Variants in PLD1 observed in about 807,000 individuals in gnomAD.
PLD1 encodes the protein phospholipase D1.
PLD1 carries 112 observed loss-of-function variants against 137.1 expected under a neutral mutation model. The observed-to-expected ratio is 0.82, with a 90% confidence interval of 0.70 to 0.96. The LOEUF is 0.96. Ranked by LOEUF, PLD1 falls within the 40% of genes least tolerant of loss-of-function variation. PLD1 has a pLI of 0.00. For missense variants in PLD1, 1,321 were observed against 1,342.0 expected (o/e 0.98, Z 0.24); for synonymous variants, 431 against 454.7 (o/e 0.95, Z 0.66).
chr3:171,668,470 C>A (rs144771670), intron 19 of PLD1, among the ~76,000 whole-genome samples: 2 of 152,272 alleles, frequency 1.3e-5, no homozygotes, highest in Admixed American at 1.3e-4. Context: ...TTATTCCAAG[C>A]GTGAAAACAA....
chr3:171,773,209 C>T (rs2108333160), intron 1 of PLD1, among the ~76,000 whole-genome samples: 1 of 152,264 alleles, frequency 6.6e-6, no homozygotes, highest in African/African-American at 2.4e-5. Context: ...AAGTGGTGGG[C>T]ACCAAATTAC....
At chr3:171,682,157 AAAGAAAGAAAAAGAAAG>A (rs1714065050) in intron 16 of PLD1, among the ~76,000 whole-genome samples, 1 of 48,462 alleles carries the variant, frequency 2.1e-5, no homozygotes, top group Admixed American at 1.8e-4. Context: ...AGAAAGAAAG[AAAGAAAGAAAAAGAAAG>A]AAAGAAAGAA....
intron 1 of PLD1, among the ~76,000 whole-genome samples, chr3:171,770,670 C>T (rs1349132778): frequency 6.6e-6 from 1 of 151,740 alleles, no homozygotes; most frequent in East Asian, 1.9e-4. Context: ...TCGCTTGAGC[C>T]CTGGGGTTGG....
At chr3:171,761,906 C>T (rs951444401) in intron 1 of PLD1, among the ~76,000 whole-genome samples, 3 of 152,158 alleles carry the variant, frequency 2.0e-5, no homozygotes, top group Admixed American at 6.5e-5. Flanking sequence ...CCTCTATCCA[C>T]ACATTAAGAA....
chr3:171,718,004 T>C (rs1717803381), intron 8 of PLD1, among the ~76,000 whole-genome samples: 1 of 152,272 alleles, frequency 6.6e-6, no homozygotes, highest in Non-Finnish European at 1.5e-5. Context: ...TTATCTTTAG[T>C]TCTGTTTATG....
At chr3:171,642,956 T>C in intron 22 of PLD1, 67 bp from the exon 23 acceptor site, 2 of 859,574 alleles carry the variant, frequency 2.3e-6, no homozygotes, top group Non-Finnish European at 3.9e-6. Flanking sequence ...GCAGTATCTG[T>C]AGGTTTAATC....
intron 1 of PLD1, among the ~76,000 whole-genome samples, chr3:171,774,448 A>T (rs1351632198): frequency 6.6e-6 from 1 of 152,228 alleles, no homozygotes; most frequent in Admixed American, 6.5e-5. Context: ...CTGAGGGACC[A>T]GCAGAAGAAA....
chr3:171,675,318 G>T (rs1713239740), intron 18 of PLD1, among the ~76,000 whole-genome samples: 1 of 152,080 alleles, frequency 6.6e-6, no homozygotes, highest in South Asian at 2.1e-4. Context: ...ATAGTAAAAT[G>T]GTATAAAAGA....
chr3:171,604,916 C>A (rs988958257), intron 26 of PLD1, among the ~76,000 whole-genome samples: 1 of 152,204 alleles, frequency 6.6e-6, no homozygotes, highest in Admixed American at 6.5e-5. Flanking sequence ...TCACTATACA[C>A]AAGGTTATAA....
At chr3:171,723,429 C>T (rs1049660321) in intron 8 of PLD1, among the ~76,000 whole-genome samples, 4 of 152,154 alleles carry the variant, frequency 2.6e-5, no homozygotes, top group African/African-American at 9.7e-5. Context: ...TGCTTCAACA[C>T]AGATGGAAGT....
chr3:171,627,128 G>GAC (rs1560157770), intron 23 of PLD1, among the ~76,000 whole-genome samples: 1 of 152,054 alleles, frequency 6.6e-6, no homozygotes, highest in Non-Finnish European at 1.5e-5. Context: ...CACGTGCAGA[G>GAC]ACACACATAG....
At chr3:171,710,891 T>TTTTTTTTTTTTTTTTTTTA (rs1717158090) in intron 9 of PLD1, among the ~76,000 whole-genome samples, 1 of 147,396 alleles carries the variant, frequency 6.8e-6, no homozygotes, top group African/African-American at 2.6e-5. Flanking sequence ...TTTTTTTTTT[T>TTTTTTTTTTTTTTTTTTTA]GAGACGGAGT....
chr3:171,639,807 A>T (rs1264845607), intron 23 of PLD1, among the ~76,000 whole-genome samples: 2 of 137,310 alleles, frequency 1.5e-5, no homozygotes, highest in Non-Finnish European at 3.1e-5. Context: ...CTGAGAAGTT[A>T]TATTTACATA....
chr3:171,659,160 A>G, intron 21 of PLD1, 53 bp downstream of exon 21: 1 of 1,187,380 alleles, frequency 8.4e-7, no homozygotes, highest in Non-Finnish European at 1.3e-6. Context: ...AAGTCATTTT[A>G]GTAATAAATA....
intron 23 of PLD1, among the ~76,000 whole-genome samples, chr3:171,623,762 T>A (rs1733847536): frequency 6.6e-6 from 1 of 151,980 alleles, no homozygotes; most frequent in South Asian, 2.1e-4. Flanking sequence ...AATTTGTATA[T>A]GATAAAGGAA....
rs9832151 is a variant in PLD1, at chr3:171,609,733, G to A, written c.2882+2546C>T. Among the ~76,000 whole-genome samples the A allele has an allele frequency of 8.2e-3, 1,254 of 152,176 alleles. 16 individuals are homozygous for A. Among genetic ancestry groups the A allele is most frequent in the African/African-American group, 0.025 (1,030 of 41,526 alleles). On this transcript the variant is annotated intron_variant, in intron 25 of 26. Coordinates refer to ENST00000351298, the MANE Select transcript of PLD1 (RefSeq NM_002662.5). ...GGATGTACAGAGTGGAATAACTGAC[G>A]TTGGAGACTCCAAAAGGTGGGTGGG...
At chr3:171,764,613 A>C (rs940629283) in intron 1 of PLD1, among the ~76,000 whole-genome samples, 3 of 151,814 alleles carry the variant, frequency 2.0e-5, no homozygotes, top group African/African-American at 7.3e-5. Flanking sequence ...AAGTCATTTA[A>C]TCCAATAAAA....
intron 23 of PLD1, among the ~76,000 whole-genome samples, chr3:171,641,171 T>C (rs1345568149): frequency 1.3e-5 from 2 of 152,150 alleles, no homozygotes; most frequent in African/African-American, 4.8e-5. Context: ...TTTAAGATTA[T>C]CATGGAGCTG....
At chr3:171,776,222 A>C (rs1022958097) in intron 1 of PLD1, among the ~76,000 whole-genome samples, 1 of 152,062 alleles carries the variant, frequency 6.6e-6, no homozygotes, top group African/African-American at 2.4e-5. Flanking sequence ...GGACGGTGGT[A>C]CCTGTCACCC....
Sources: gnomAD v4.1 joint callset for allele counts (sites outside exome capture counted in the v4.1 genomes callset) on GRCh38, gnomAD v4.1.1 for gene constraint, MANE v1.5 for transcripts, NCBI Gene and HGNC (gene_info 2026-07-23, HGNC 2026-07-21) for gene names.